PLEKHG1: variants seen among roughly 807,000 people sequenced by gnomAD.
The protein encoded by PLEKHG1 is pleckstrin homology and RhoGEF domain containing G1.
In PLEKHG1, 44 loss-of-function variants were observed where a neutral mutation model predicts 100.8. The ratio of observed to expected loss-of-function variants is 0.44; its 90% CI spans 0.34 to 0.56. The LOEUF (loss-of-function observed/expected upper bound fraction) is 0.56. PLEKHG1 is among the 20% of genes least tolerant of loss of function. The pLI, the probability that PLEKHG1 is intolerant of heterozygous loss-of-function variation, is 0.01. For missense variants in PLEKHG1, 1,545 were observed against 1,720.9 expected (o/e 0.90, Z 1.81); for synonymous variants, 640 against 662.5 (o/e 0.97, Z 0.52).
chr6:150,682,626 A>G (rs1166461844), intron 3 of PLEKHG1, among the ~76,000 whole-genome samples: 1 of 152,118 alleles, frequency 6.6e-6, no homozygotes, highest in Non-Finnish European at 1.5e-5. Context: ...CAGCCATCCT[A>G]ATACCGAACT....
At chr6:150,801,102 G>A (rs1786672803) in intron 6 of PLEKHG1, among the ~76,000 whole-genome samples, 1 of 152,172 alleles carries the variant, frequency 6.6e-6, no homozygotes, top group African/African-American at 2.4e-5. Flanking sequence ...ATTCTGATGG[G>A]GCTTAGGAGT....
chr6:150,676,167 G>T (rs1204964552), intron 3 of PLEKHG1, among the ~76,000 whole-genome samples: 3 of 152,176 alleles, frequency 2.0e-5, no homozygotes, highest in Non-Finnish European at 2.9e-5. Context: ...TTTAGAACTA[G>T]AACGTAATGA....
Position 150,739,316 on chromosome 6 carries a change from C to T in PLEKHG1, c.411+5224C>T, listed in dbSNP as rs1043073352. 6.4e-4 allele frequency among the ~76,000 whole-genome samples: 98 copies of T among 152,004 alleles called. 1 individual carries two copies. The highest frequency in any genetic ancestry group is 5.2e-4 in the Admixed American group (8 of 15,244). Reference sequence around the variant, plus strand: ...GATTTTATCTCTTTCCATTATATGCCAGAGAGCTAATATCCTTTTCATGGA... The same window carrying T: ...GATTTTATCTCTTTCCATTATATGCTAGAGAGCTAATATCCTTTTCATGGA... On this transcript the variant is annotated intron_variant, in intron 2 of 15. Transcript: ENST00000358517.
At chr6:150,723,243 G>A (rs1290209501) in intron 1 of PLEKHG1, among the ~76,000 whole-genome samples, 2 of 152,056 alleles carry the variant, frequency 1.3e-5, no homozygotes, top group Non-Finnish European at 2.9e-5. Flanking sequence ...TACAAACCCC[G>A]GGGGGTGCAG....
In PLEKHG1 at chr6:150,790,796, C is replaced by T. The variant is rs141904342; in HGVS notation, c.582+4337C>T. ...CAGCACTTTGGGAGGCCGAAGGGGG[C>T]AGATTACCTGAGATCAGGAGTTCAA... On this transcript the variant is annotated intron_variant, in intron 4 of 15. Coordinates refer to ENST00000358517, the Ensembl canonical transcript of PLEKHG1. 6.6e-3 allele frequency among the ~76,000 whole-genome samples: 1,001 copies of T among 151,772 alleles called. 14 individuals carry two copies. The highest frequency in any genetic ancestry group is 0.023 in the African/African-American group (960 of 41,386).
At chr6:150,749,402 AC>A (rs1347042480) in intron 2 of PLEKHG1, among the ~76,000 whole-genome samples, 4 of 152,172 alleles carry the variant, frequency 2.6e-5, no homozygotes, top group African/African-American at 9.7e-5. Context: ...GAGCCTTGAG[AC>A]AGAGGGAAAT....
chr6:150,813,191 G>A (rs1248396659), intron 10 of PLEKHG1, among the ~76,000 whole-genome samples: 3 of 151,840 alleles, frequency 2.0e-5, no homozygotes, highest in Admixed American at 6.6e-5. Context: ...TGTAGTCCCA[G>A]CTACGCGGGA....
chr6:150,807,351 A>G (rs906316839), intron 7 of PLEKHG1, among the ~76,000 whole-genome samples: 1 of 152,162 alleles, frequency 6.6e-6, no homozygotes, highest in Non-Finnish European at 1.5e-5. Flanking sequence ...CTGGTTTTTC[A>G]TACTGTGTGA....
intron 3 of PLEKHG1, among the ~76,000 whole-genome samples, chr6:150,688,775 CAG>C (rs957586401): frequency 2.6e-5 from 4 of 152,082 alleles, no homozygotes; most frequent in Non-Finnish European, 5.9e-5. Context: ...TTTTAAAAAA[CAG>C]TGTCTTGAGA....
intron 2 of PLEKHG1, among the ~76,000 whole-genome samples, chr6:150,641,599 C>T (rs1778260744): frequency 6.6e-6 from 1 of 152,076 alleles, no homozygotes; most frequent in South Asian, 2.1e-4. Flanking sequence ...AAAAATGGTC[C>T]ATGTTAGCAA....
chr6:150,735,275 C>T (rs912652698), intron 2 of PLEKHG1, among the ~76,000 whole-genome samples: 14 of 148,826 alleles, frequency 9.4e-5, no homozygotes, highest in Non-Finnish European at 1.2e-4. Context: ...CATGAGCCAC[C>T]GTGCCTGGCC....
intron 2 of PLEKHG1, among the ~76,000 whole-genome samples, chr6:150,736,700 C>T (rs958798047): frequency 6.6e-6 from 1 of 151,930 alleles, no homozygotes. Context: ...ACCTGGGAGG[C>T]GAAGGCTGCA....
chr6:150,676,908 C>A (rs188790666), intron 3 of PLEKHG1, among the ~76,000 whole-genome samples: 60 of 152,068 alleles, frequency 3.9e-4, no homozygotes, highest in African/African-American at 1.4e-3. Flanking sequence ...CAGCCTTTCC[C>A]TCCCTCCTCC....
At chr6:150,782,637 C>T (rs1382321570) in intron 3 of PLEKHG1, among the ~76,000 whole-genome samples, 2 of 152,076 alleles carry the variant, frequency 1.3e-5, no homozygotes, top group African/African-American at 4.8e-5. Context: ...CAGATTGCAA[C>T]AGATAGAATG....
Position 150,831,039 on chromosome 6 carries a change from T to C in PLEKHG1, c.1928T>C (p.Met643Thr). The stretch of plus-strand genomic sequence containing the variant: ...CCCAAAACAGAAGGGCAGGAGGAGA[T>C]GACTCCCTTTGGGTCATCCATAGAG... The change falls in exon 15 of 16, where the codon ATG (methionine) becomes ACG (threonine). Residue 643 changes from methionine (M) to threonine (T), a missense_variant. Transcript: ENST00000358517. This position sits in a 1 kb window ranked among gnomAD's most constrained non-coding sequence, Gnocchi z 4.1. 2 of 1,614,012 alleles carry C rather than the reference T, an allele frequency of 1.2e-6. No homozygotes were observed.
intron 2 of PLEKHG1, among the ~76,000 whole-genome samples, chr6:150,638,395 A>G (rs145952280): frequency 1.6e-3 from 242 of 152,192 alleles, no homozygotes; most frequent in Middle Eastern, 0.014. Flanking sequence ...TTCCACCTCA[A>G]GTACACAGAA....
chr6:150,715,974 G>A (rs62434147), intron 3 of PLEKHG1, among the ~76,000 whole-genome samples: 132,369 of 147,908 alleles, frequency 0.89, 59,335 homozygotes, highest in East Asian at 0.91. Flanking sequence ...CGGGCGTGGT[G>A]GCGGGCGCCT....
In PLEKHG1 at chr6:150,790,867, C is replaced by CA. The variant is rs952131732; in HGVS notation, c.582+4415dup. Among the ~76,000 whole-genome samples the CA allele has an allele frequency of 2.6e-4, 39 of 151,532 alleles. 1 individual carries two copies. The highest frequency in any genetic ancestry group is 9.5e-4 in the African/African-American group (39 of 41,250). On this transcript the variant is annotated intron_variant, in intron 4 of 15. Coordinates refer to ENST00000358517, the Ensembl canonical transcript of PLEKHG1. The stretch of plus-strand genomic sequence containing the variant: ...TGAAACCCCATCTCTACTAAAAATA[C>CA]AAAAAAATTGCCAGGCATGGTGGCA...
intron 4 of PLEKHG1, among the ~76,000 whole-genome samples, chr6:150,787,646 G>T (rs920476872): frequency 6.6e-6 from 1 of 152,238 alleles, no homozygotes; most frequent in East Asian, 1.9e-4. Flanking sequence ...TGTCGCTCCA[G>T]TCTGACCTGG....
Sources: gnomAD v4.1 joint callset for allele counts (sites outside exome capture counted in the v4.1 genomes callset) on GRCh38, gnomAD v4.1.1 for gene constraint, Gnocchi (gnomAD v3.1) non-coding constraint, MANE v1.5 for transcripts, NCBI Gene and HGNC (gene_info 2026-07-23, HGNC 2026-07-21) for gene names.